The following SAA1 variants were observed in gnomAD, a reference collection of about 807,000 sequenced individuals.
SAA1 encodes the protein serum amyloid A-1 protein.
SAA1 carries 4 observed loss-of-function variants against 9.8 expected under a neutral mutation model. That is an observed-to-expected ratio of 0.41 (90% CI 0.20 to 0.93). SAA1 has a LOEUF of 0.93. SAA1 is among the 40% of genes least tolerant of loss of function. The probability of loss-of-function intolerance (pLI) is 0.33; values close to 1 mark genes in which losing one functional copy is unlikely to be tolerated. For synonymous variants in SAA1, 47 were observed against 57.7 expected, an observed-to-expected ratio of 0.82 and a Z score of 0.84; for missense variants, 114 against 155.5, an observed-to-expected ratio of 0.73 and a Z score of 1.42.
intron 2 of SAA1, 41 bp from the exon 3 acceptor site, chr11:18,269,154 T>TG (rs1564911797): frequency 6.2e-7 from 1 of 1,600,194 alleles, no homozygotes; most frequent in South Asian, 1.1e-5. Flanking sequence ...GGAGTCTTTA[T>TG]GTTCTCCTGA....
rs1243059297 is a variant in SAA1 at position 18,268,978 on chromosome 11, G to A, written c.92-217G>A. Among the ~76,000 whole-genome samples the A allele has an allele frequency of 5.3e-5, 8 of 151,928 alleles. No individual in the cohort carries two copies. In the East Asian group the frequency reaches 1.5e-3, roughly 29 times the overall value. The stretch of plus-strand genomic sequence containing the variant: ...ACACTCCTGGATCTTATCATAGGCA[G>A]CTTCATTCTATAGCAGTGGCTCTTC... On this transcript the variant is annotated intron_variant, in intron 2 of 3. Transcript: ENST00000356524.
At chr11:18,268,878 G>A (rs138250428) in intron 2 of SAA1, among the ~76,000 whole-genome samples, 8 of 128,646 alleles carry the variant, frequency 6.2e-5, no homozygotes, top group African/African-American at 2.4e-4. Context: ...ATAAACTTTA[G>A]TAGTCAGGGC....
intron 1 of SAA1, chr11:18,266,593 C>A (rs1028837340): frequency 2.4e-5 from 10 of 420,410 alleles, no homozygotes; most frequent in East Asian, 2.0e-4. Flanking sequence ...ACGGTAAATG[C>A]GTTATGGGGA....
intron 2 of SAA1, among the ~76,000 whole-genome samples, chr11:18,268,049 C>A (rs150582506): frequency 6.6e-6 from 1 of 151,976 alleles, no homozygotes; most frequent in African/African-American, 2.4e-5. Flanking sequence ...TGGGGTGTGG[C>A]CTGGGCACTG....
Position 18,269,332 on chromosome 11 carries a change from A to C in SAA1, c.229A>C (p.Thr77Pro), listed in dbSNP as rs776803166. ...GGGTGCCTGGGCTGCAGAAGTGATC[A>C]CGTAACTGGAGCTCCTGGGACGTTA... ...PGGAWAAEVI[T>P]DARENIQRFF... is the part of the protein sequence containing the mutation. The change falls in exon 3 of 4, where the codon ACC (threonine) becomes CCC (proline). Residue 77 changes from threonine to proline, a missense_variant and splice_region_variant. By Grantham distance (38) the Thr-to-Pro change is conservative. Transcript: ENST00000356524. 3 of 1,478,086 alleles carry C rather than the reference A, an allele frequency of 2.0e-6. No individual in the cohort carries two copies. The South Asian group carries it at 4.2e-5, about 21-fold the overall frequency. The allele number at this position is 1,478,086 out of a possible 1,614,324, so 91.6% of individuals were successfully genotyped here.
chr11:18,269,390 C>G, intron 3 of SAA1, 57 bp downstream of exon 3: 1 of 1,498,812 alleles, frequency 6.7e-7, no homozygotes, highest in Non-Finnish European at 8.9e-7. Context: ...CTGCCTTGGA[C>G]AGTCAGGAGG....
chr11:18,268,662 G>A lies in SAA1; in HGVS notation c.92-533G>A, dbSNP rs1252145746. On this transcript the variant is annotated intron_variant, in intron 2 of 3. Coordinates refer to ENST00000356524, the MANE Select transcript of SAA1 (RefSeq NM_199161.5). ...GCCTGACCAACATGGTGAAATCCCCGTCTCTACTAAAAATACAAAAATTAG... is the reference window on the plus strand; with the variant it reads ...GCCTGACCAACATGGTGAAATCCCCATCTCTACTAAAAATACAAAAATTAG... 4.0e-5 allele frequency among the ~76,000 whole-genome samples: 6 copies of A among 151,808 alleles called. No individual in the cohort carries two copies. The South Asian group carries it at 6.2e-4, about 16-fold the overall frequency.
At position 18,269,932 on chromosome 11, in the gene SAA1, C is replaced by T; in HGVS notation, c.*77C>T. 2 of 1,586,916 alleles carry T rather than the reference C, an allele frequency of 1.3e-6. No individual in the cohort carries two copies. The highest frequency in any genetic ancestry group is 2.2e-5 in the East Asian group (1 of 44,614). ...AGGGATACAAAGCGGGGAGAGGGTA[C>T]ACAATGGGTATCTAATAAATACTTA... is the stretch of plus-strand genomic sequence containing the variant. On this transcript the variant is annotated 3_prime_UTR_variant, in exon 4 of 4. Coordinates refer to ENST00000356524, the MANE Select transcript of SAA1 (RefSeq NM_199161.5).
At position 18,268,831 on chromosome 11, in the gene SAA1, T is replaced by TAAAAAAA. The variant is rs371021832; in HGVS notation, c.92-338_92-332dup. On this transcript the variant is annotated intron_variant, in intron 2 of 3. Transcript: ENST00000356524. ...CTGGGCGACAGAGCAAGACTCTGTC[T>TAAAAAAA]AAAAAAAAAAAAAAAAAAAAAAAAA... Among the ~76,000 whole-genome samples the TAAAAAAA allele has an allele frequency of 6.1e-3, 677 of 110,140 alleles. 13 individuals carry two copies. The highest frequency in any genetic ancestry group is 9.7e-3 in the South Asian group (31 of 3,194). The allele number at this position is 110,140 out of a possible 152,430, so 72.3% of individuals were successfully genotyped here. A position where few individuals can be genotyped will look rare whatever the true frequency, so the allele number is the denominator to read the frequency against.
At position 18,267,773 on chromosome 11, in the gene SAA1, C is replaced by CTCTTGGAAGGTGAGAAAGCTGA. The variant is rs199608948; in HGVS notation, c.91+818_91+839dup. ...AATGACTCTGTGACGCAATCTTCCT[C>CTCTTGGAAGGTGAGAAAGCTGA]TCTTGGAAGGTGAGAAAGCTGATCT... On this transcript the variant is annotated intron_variant, in intron 2 of 3. Coordinates refer to ENST00000356524, the MANE Select transcript of SAA1 (RefSeq NM_199161.5). 2.7e-5 allele frequency among the ~76,000 whole-genome samples: 3 copies of CTCTTGGAAGGTGAGAAAGCTGA among 112,266 alleles called. 1 individual carries two copies. Among genetic ancestry groups the CTCTTGGAAGGTGAGAAAGCTGA allele is most frequent in the Non-Finnish European group, 4.0e-5 (2 of 49,664 alleles). The allele number at this position is 112,266 out of a possible 152,430, so 73.7% of individuals were successfully genotyped here.
intron 2 of SAA1, 40 bp from the exon 3 acceptor site, chr11:18,269,155 G>A: frequency 6.3e-7 from 1 of 1,599,848 alleles, no homozygotes; most frequent in Middle Eastern, 1.7e-4. Flanking sequence ...GAGTCTTTAT[G>A]TTCTCCTGAT....
At chr11:18,266,755 T>C in intron 1 of SAA1, 129 bp from the exon 2 acceptor site, 1 of 723,396 alleles carries the variant, frequency 1.4e-6, no homozygotes, top group East Asian at 3.1e-5. Context: ...TGCTGCAAGG[T>C]TTCCTAGATG....
At chr11:18,269,590 T>C in intron 3 of SAA1, 127 bp from the exon 4 acceptor site, 1 of 1,445,492 alleles carries the variant, frequency 6.9e-7, no homozygotes, top group South Asian at 1.3e-5. Flanking sequence ...CCCAGTGTTT[T>C]CATCCCTCCT....
intron 2 of SAA1, 91 bp downstream of exon 2, chr11:18,267,069 T>C: frequency 1.9e-6 from 2 of 1,049,888 alleles, no homozygotes; most frequent in Admixed American, 2.3e-5. Flanking sequence ...GGAAGGCTGC[T>C]TTTGAACCAC....
chr11:18,269,023 C>A (rs551433646), intron 2 of SAA1, among the ~76,000 whole-genome samples, 172 bp from the exon 3 acceptor site: 1 of 151,946 alleles, frequency 6.6e-6, no homozygotes, highest in African/African-American at 2.4e-5. Context: ...CTTGAAGAAG[C>A]CAACTAGGAT....
At chr11:18,266,745 T>C (rs1858041330) in intron 1 of SAA1, 139 bp from the exon 2 acceptor site, 1 of 679,136 alleles carries the variant, frequency 1.5e-6, no homozygotes, top group Admixed American at 2.9e-5. Context: ...AGTGAGGTCC[T>C]GCTGCAAGGT....
Sources: allele counts gnomAD v4.1 joint callset (sites outside exome capture counted in the v4.1 genomes callset), GRCh38; gene constraint gnomAD v4.1.1; transcripts MANE v1.5; gene names NCBI Gene and HGNC (gene_info 2026-07-23, HGNC 2026-07-21).